Variants in LRRC37A2 observed in about 807,000 individuals in gnomAD.
LRRC37A2 encodes leucine rich repeat containing 37 member A2.
Under a neutral mutation model 68.8 loss-of-function variants are expected in LRRC37A2, and 9 were observed. That is an observed-to-expected ratio of 0.13 (90% CI 0.08 to 0.23). The LOEUF (loss-of-function observed/expected upper bound fraction) is 0.23. LRRC37A2 is among the 10% of genes least tolerant of loss of function. The probability of loss-of-function intolerance (pLI) is 1.00; values close to 1 mark genes in which losing one functional copy is unlikely to be tolerated. For missense variants in LRRC37A2, 168 were observed against 950.4 expected (o/e 0.18, Z 10.82); for synonymous variants, 63 against 367.6 (o/e 0.17, Z 9.48).
chr17:46,971,079 G>A, the LRRC37A2 span, among the ~76,000 whole-genome samples: 2 of 152,068 alleles, frequency 1.3e-5, no homozygotes, highest in African/African-American at 2.4e-5. Context: ...AGGCCGGTGC[G>A]GTGGCTCATG....
chr17:47,006,162 C>T, the LRRC37A2 span, among the ~76,000 whole-genome samples: 3 of 151,978 alleles, frequency 2.0e-5, no homozygotes, highest in Admixed American at 2.0e-4. Flanking sequence ...CAGAGCGAGA[C>T]TCCATCTCGG....
At chr17:46,752,360 C>A in the LRRC37A2 span, among the ~76,000 whole-genome samples, 1 of 152,216 alleles carries the variant, frequency 6.6e-6, no homozygotes, top group Non-Finnish European at 1.5e-5. Context: ...ACCTCCCTAT[C>A]AAGCCCTATG....
chr17:46,789,897 T>G, the LRRC37A2 span, among the ~76,000 whole-genome samples: 1 of 152,318 alleles, frequency 6.6e-6, no homozygotes, highest in East Asian at 1.9e-4. Context: ...GATTCCACTC[T>G]CTACCTTTCA....
chr17:46,826,213 C>A, the LRRC37A2 span, among the ~76,000 whole-genome samples: 815 of 152,334 alleles, frequency 5.4e-3, 11 homozygotes, highest in African/African-American at 0.019. Context: ...GCCAACTAAC[C>A]ACCTTCTCCA....
the LRRC37A2 span, chr17:47,018,748 C>T: frequency 6.6e-7 from 1 of 1,521,052 alleles, no homozygotes; most frequent in Non-Finnish European, 9.1e-7. Flanking sequence ...CAGGAGGCCC[C>T]AGCTCAGACT....
At chr17:46,983,145 C>A in the LRRC37A2 span, among the ~76,000 whole-genome samples, 1 of 152,070 alleles carries the variant, frequency 6.6e-6, no homozygotes. Context: ...GGTTTGGGGG[C>A]AGAGTTCTAT....
the LRRC37A2 span, chr17:46,941,399 A>G: frequency 8.1e-6 from 8 of 983,052 alleles, no homozygotes; most frequent in Admixed American, 6.1e-5. Context: ...ATTCATTTTT[A>G]TAACTAATGG....
the LRRC37A2 span, among the ~76,000 whole-genome samples, chr17:46,879,124 A>G: frequency 3.9e-5 from 6 of 152,244 alleles, no homozygotes; most frequent in Non-Finnish European, 8.8e-5. Context: ...AATAATTTAT[A>G]TAGCTAAGAT....
chr17:47,023,296 A>C, the LRRC37A2 span, among the ~76,000 whole-genome samples: 1 of 152,232 alleles, frequency 6.6e-6, no homozygotes, highest in Non-Finnish European at 1.5e-5. Context: ...TTTGGAAAAA[A>C]TGCTTACATT....
chr17:46,778,631 A>G, the LRRC37A2 span, among the ~76,000 whole-genome samples: 1 of 152,128 alleles, frequency 6.6e-6, no homozygotes, highest in Non-Finnish European at 1.5e-5. Context: ...TACACGTTCC[A>G]CTTCGGGAGG....
the LRRC37A2 span, among the ~76,000 whole-genome samples, chr17:47,029,581 A>G: frequency 6.6e-6 from 1 of 152,212 alleles, no homozygotes; most frequent in Admixed American, 6.5e-5. Flanking sequence ...GTTTCTGCAC[A>G]TGCTCCCCTC....
At chr17:46,389,121 G>A in the LRRC37A2 span, among the ~76,000 whole-genome samples, 1 of 139,078 alleles carries the variant, frequency 7.2e-6, no homozygotes, top group Admixed American at 7.2e-5. Flanking sequence ...CTTGAACCCA[G>A]GAGGCGGAGA....
At chr17:46,551,102 A>T (rs1254889096) in intron 11 of LRRC37A2, among the ~76,000 whole-genome samples, 2 of 149,820 alleles carry the variant, frequency 1.3e-5, no homozygotes, top group African/African-American at 5.1e-5. Flanking sequence ...CTCATACTCT[A>T]GCCCTCCTGA....
Position 46,525,602 on chromosome 17 carries a change from T to TAATAATAATAATA in LRRC37A2, c.2906+1719_2906+1720insATAATAATAATAA, listed in dbSNP as rs1346950818. On this transcript the variant is annotated intron_variant, in intron 6 of 14. Coordinates refer to ENST00000576629, the Ensembl canonical transcript of LRRC37A2. ...ACTCTGTCTCAAATAATAATAATAA[T>TAATAATAATAATA]ATAATAATAATAATCATCATCATCA... Among the ~76,000 whole-genome samples the TAATAATAATAATA allele has an allele frequency of 2.8e-4, 29 of 103,192 alleles. 1 individual carries two copies. The highest frequency in any genetic ancestry group is 4.2e-4 in the African/African-American group (12 of 28,552). The allele number at this position is 103,192 out of a possible 152,430, so 67.7% of individuals were successfully genotyped here.
the LRRC37A2 span, chr17:47,024,586 T>C: frequency 1.2e-5 from 10 of 849,380 alleles, no homozygotes; most frequent in Non-Finnish European, 2.1e-5. Flanking sequence ...GAAGTGACCA[T>C]GACCCAGCTT....
chr17:46,635,777 ATGTGTG>A, the LRRC37A2 span, among the ~76,000 whole-genome samples: 412 of 116,794 alleles, frequency 3.5e-3, 35 homozygotes, highest in Middle Eastern at 0.029. Flanking sequence ...GGGAAAATAA[ATGTGTG>A]TGTGTGTGTG....
At chr17:46,905,069 CT>C in the LRRC37A2 span, among the ~76,000 whole-genome samples, 1 of 150,792 alleles carries the variant, frequency 6.6e-6, no homozygotes, top group Middle Eastern at 3.4e-3. Context: ...GAGAAAAGAC[CT>C]TTTTTTTTCT....
chr17:46,906,783 G>A, the LRRC37A2 span, among the ~76,000 whole-genome samples: 2 of 152,022 alleles, frequency 1.3e-5, no homozygotes, highest in Non-Finnish European at 2.9e-5. Flanking sequence ...AAGCAGCAGA[G>A]CCCAGATCTG....
At chr17:46,866,706 C>G in the LRRC37A2 span, among the ~76,000 whole-genome samples, 2 of 152,078 alleles carry the variant, frequency 1.3e-5, no homozygotes, top group African/African-American at 4.8e-5. Context: ...GCGTAATGCA[C>G]TACTCCTGGA....
Sources: gnomAD v4.1 joint callset for allele counts (sites outside exome capture counted in the v4.1 genomes callset) on GRCh38, gnomAD v4.1.1 for gene constraint, MANE v1.5 for transcripts, NCBI Gene and HGNC (gene_info 2026-07-23, HGNC 2026-07-21) for gene names.